The following WDR44 variants were observed in gnomAD, a reference collection of about 807,000 sequenced individuals.
The protein encoded by WDR44 is WD repeat domain 44.
WDR44 carries 9 observed loss-of-function variants against 65.7 expected under a neutral mutation model. That is an observed-to-expected ratio of 0.14 (90% confidence interval 0.08 to 0.24). The LOEUF is 0.24. WDR44 is among the 10% of genes least tolerant of loss of function. The pLI, the probability that WDR44 is intolerant of heterozygous loss-of-function variation, is 1.00. For missense variants in WDR44, 425 were observed against 670.9 expected (o/e 0.63, Z 4.05); for synonymous variants, 220 against 235.2 (o/e 0.94, Z 0.59).
intron 10 of WDR44, among the ~76,000 whole-genome samples, chrX:118,409,160 G>A (rs762682626): frequency 1.8e-5 from 2 of 110,289 alleles, no homozygotes; most frequent in East Asian, 5.7e-4. Context: ...ATAGAGTTTC[G>A]CTTTTGTTGC....
intron 14 of WDR44, among the ~76,000 whole-genome samples, chrX:118,439,616 A>T (rs928047283): frequency 9.0e-6 from 1 of 111,032 alleles, no homozygotes; most frequent in African/African-American, 3.3e-5. Context: ...ACATACATAG[A>T]TGTATGTATG....
At chrX:118,352,350 A>ATTTTTTTTTTT (rs2056419703) in intron 1 of WDR44, among the ~76,000 whole-genome samples, 6 of 20,308 alleles carry the variant, frequency 3.0e-4, no homozygotes, top group African/African-American at 8.2e-4. Context: ...ATATATATAT[A>ATTTTTTTTTTT]TATTTTTTTT....
intron 3 of WDR44, among the ~76,000 whole-genome samples, chrX:118,391,148 G>C (rs2056816616): frequency 8.9e-6 from 1 of 112,015 alleles, no homozygotes; most frequent in South Asian, 3.7e-4. Flanking sequence ...TTATAAAAGT[G>C]CTGGGTCACT....
intron 1 of WDR44, among the ~76,000 whole-genome samples, chrX:118,350,987 C>T (rs991697530): frequency 4.5e-5 from 5 of 111,732 alleles, no homozygotes; most frequent in South Asian, 3.7e-4. Flanking sequence ...ACCATGTCTG[C>T]GGAAGAAGGG....
chrX:118,374,891 A>G (rs1394594739), intron 1 of WDR44, among the ~76,000 whole-genome samples: 1 of 111,877 alleles, frequency 8.9e-6, no homozygotes, highest in African/African-American at 3.3e-5. Flanking sequence ...TGGAGAAATG[A>G]TTTGATCACA....
chrX:118,409,056 T>A (rs2056990800), intron 10 of WDR44, among the ~76,000 whole-genome samples: 1 of 112,436 alleles, frequency 8.9e-6, no homozygotes, highest in Admixed American at 9.5e-5. Flanking sequence ...TGTTAGCAAT[T>A]TGAGCATTAT....
intron 19 of WDR44, chrX:118,447,257 G>T: frequency 6.7e-6 from 1 of 149,842 alleles, no homozygotes; most frequent in Non-Finnish European, 1.3e-5. Context: ...GGAAATTCTA[G>T]CTTTTAAAAC....
chrX:118,424,969 G>A (rs1426602596), intron 12 of WDR44, among the ~76,000 whole-genome samples: 1 of 111,991 alleles, frequency 8.9e-6, no homozygotes, highest in Non-Finnish European at 1.9e-5. Flanking sequence ...AACAAAGTGG[G>A]ATGGCAGGGA....
At chrX:118,390,957 G>A (rs1161521283) in intron 3 of WDR44, among the ~76,000 whole-genome samples, 3 of 111,740 alleles carry the variant, frequency 2.7e-5, no homozygotes, top group Non-Finnish European at 5.6e-5. Flanking sequence ...AATTCTTAAA[G>A]CCTTTACCTC....
At chrX:118,401,916 A>G (rs1248195090) in intron 8 of WDR44, among the ~76,000 whole-genome samples, 1 of 111,101 alleles carries the variant, frequency 9.0e-6, no homozygotes, top group Non-Finnish European at 1.9e-5. Context: ...ATCAGTTTTA[A>G]TAGCATGGTG....
At chrX:118,412,643 G>T (rs1055836312) in intron 12 of WDR44, among the ~76,000 whole-genome samples, 1 of 111,685 alleles carries the variant, frequency 9.0e-6, no homozygotes, top group South Asian at 3.7e-4. Flanking sequence ...TGAGTAGCCT[G>T]GGATGAATCA....
rs1402839014 is a variant in WDR44 at position 118,402,199 on chromosome X, C to G, written c.1275-2139C>G. ...CCTGTAATCCAGCACTTTGGGAGGCCGAGGCAGGTGGATTACCTGAGGTCA... is the reference window on the plus strand; with the variant it reads ...CCTGTAATCCAGCACTTTGGGAGGCGGAGGCAGGTGGATTACCTGAGGTCA... On this transcript the variant is annotated intron_variant, in intron 8 of 19. Coordinates refer to ENST00000254029, the MANE Select transcript of WDR44 (RefSeq NM_019045.5). Among the ~76,000 whole-genome samples the G allele has an allele frequency of 4.6e-5, 5 of 108,407 alleles. No homozygotes were observed. In the Admixed American group the frequency reaches 5.0e-4, roughly 11 times the overall value. The allele number at this position is 108,407 out of a possible 115,157, so 94.1% of individuals were successfully genotyped here. A position where few individuals can be genotyped will look rare whatever the true frequency, so the allele number is the denominator to read the frequency against.
chrX:118,432,411 T>G (rs1244682868), intron 12 of WDR44, among the ~76,000 whole-genome samples: 1 of 111,570 alleles, frequency 9.0e-6, no homozygotes, highest in Non-Finnish European at 1.9e-5. Flanking sequence ...ATGGAAATTG[T>G]ACCACATGCC....
chrX:118,424,086 A>C (rs1229395841), intron 12 of WDR44, among the ~76,000 whole-genome samples: 1 of 108,918 alleles, frequency 9.2e-6, no homozygotes, highest in Non-Finnish European at 1.9e-5. Context: ...TCTCTGACAT[A>C]CTGATTTTAT....
chrX:118,405,844 A>T, intron 9 of WDR44, among the ~76,000 whole-genome samples: 1 of 112,386 alleles, frequency 8.9e-6, no homozygotes, highest in African/African-American at 3.2e-5. Flanking sequence ...TCTAGAGATT[A>T]TTTAAAGTAT....
intron 12 of WDR44, among the ~76,000 whole-genome samples, chrX:118,424,321 G>GTATA (rs1430796503): frequency 1.6e-5 from 1 of 63,443 alleles, no homozygotes; most frequent in African/African-American, 1.5e-4. Context: ...ATGTGTGTGT[G>GTATA]TGTATATATA....
chrX:118,417,873 A>T (rs1002207203), intron 12 of WDR44, among the ~76,000 whole-genome samples: 3 of 111,644 alleles, frequency 2.7e-5, no homozygotes, highest in African/African-American at 9.7e-5. Flanking sequence ...GGCTTCATTC[A>T]TATTCTCTTA....
At chrX:118,444,326 T>C (rs1345474016) in intron 18 of WDR44, 34 bp from the exon 19 acceptor site, 3 of 1,192,108 alleles carry the variant, frequency 2.5e-6, no homozygotes, top group Non-Finnish European at 3.4e-6. Context: ...GGTATCCAAT[T>C]TGTCAGTTAT....
At chrX:118,372,485 T>C (rs970287584) in intron 1 of WDR44, among the ~76,000 whole-genome samples, 1 of 111,751 alleles carries the variant, frequency 8.9e-6, no homozygotes, top group African/African-American at 3.3e-5. Flanking sequence ...TGAAGATTAA[T>C]AACACCTCAC....
Sources: allele counts gnomAD v4.1 joint callset (sites outside exome capture counted in the v4.1 genomes callset), GRCh38; gene constraint gnomAD v4.1.1; transcripts MANE v1.5; gene names NCBI Gene and HGNC (gene_info 2026-07-23, HGNC 2026-07-21).